Variants in EDA observed in about 807,000 individuals in gnomAD.
EDA encodes the protein ectodysplasin A.
Under a neutral mutation model 23.6 loss-of-function variants are expected in EDA, and 2 were observed. That is an observed-to-expected ratio of 0.08 (90% CI 0.03 to 0.27). The LOEUF is 0.27. Ranked by LOEUF, EDA falls within the 10% of genes least tolerant of loss-of-function variation. EDA has a pLI of 1.00. For missense variants in EDA, 229 were observed against 324.2 expected (o/e 0.71, Z 2.26); for synonymous variants, 131 against 132.0 (o/e 0.99, Z 0.05).
intron 1 of EDA, among the ~76,000 whole-genome samples, chrX:69,682,405 C>T (rs11094120): frequency 0.022 from 2,416 of 112,363 alleles, 30 homozygotes; most frequent in Non-Finnish European, 0.029. Context: ...CAATGGCGGG[C>T]GCCCCTCCCC....
chrX:70,028,128 G>A, intron 4 of EDA, 92 bp downstream of exon 4: 1 of 1,145,357 alleles, frequency 8.7e-7, no homozygotes, highest in Non-Finnish European at 1.2e-6. Flanking sequence ...TTCAAACGGT[G>A]GAGATGGGGT....
At chrX:69,624,367 C>T (rs192233159) in intron 1 of EDA, among the ~76,000 whole-genome samples, 1 of 111,750 alleles carries the variant, frequency 8.9e-6, no homozygotes, top group Admixed American at 9.5e-5. Context: ...TTTGATTACT[C>T]ATTATTTCAA....
chrX:69,943,199 T>C (rs2069452121), intron 1 of EDA, among the ~76,000 whole-genome samples: 1 of 111,594 alleles, frequency 9.0e-6, no homozygotes, highest in Non-Finnish European at 1.9e-5. Context: ...ACCAATGCCT[T>C]ATTTAGTTCA....
At chrX:69,782,316 C>A (rs1203534940) in intron 1 of EDA, among the ~76,000 whole-genome samples, 2 of 99,046 alleles carry the variant, frequency 2.0e-5, no homozygotes, top group African/African-American at 7.8e-5. Context: ...GGCTCCTCAG[C>A]AGTTTTGTTT....
At chrX:69,712,209 G>A (rs1462229035) in intron 1 of EDA, among the ~76,000 whole-genome samples, 1 of 110,449 alleles carries the variant, frequency 9.1e-6, no homozygotes, top group African/African-American at 3.3e-5. Context: ...TGTTCTCGTT[G>A]GTTTCAAAGA....
chrX:69,868,286 G>A (rs181557557), intron 1 of EDA, among the ~76,000 whole-genome samples: 9 of 112,168 alleles, frequency 8.0e-5, no homozygotes, highest in Non-Finnish European at 1.7e-4. Flanking sequence ...AGCCTTTCAG[G>A]TCACTTGATA....
intron 7 of EDA, among the ~76,000 whole-genome samples, chrX:70,034,218 G>A (rs2020235380): frequency 9.0e-6 from 1 of 111,232 alleles, no homozygotes; most frequent in Non-Finnish European, 1.9e-5. Flanking sequence ...TGAGCCATGA[G>A]GTTGGGATTT....
intron 2 of EDA, among the ~76,000 whole-genome samples, chrX:69,970,087 C>A (rs1276282564): frequency 9.0e-6 from 1 of 111,325 alleles, no homozygotes; most frequent in Non-Finnish European, 1.9e-5. Flanking sequence ...ACTTGGGCAA[C>A]AAAGTGATGA....
chrX:69,744,931 C>T (rs1277334353), intron 1 of EDA, among the ~76,000 whole-genome samples: 2 of 111,796 alleles, frequency 1.8e-5, no homozygotes, highest in Non-Finnish European at 3.8e-5. Context: ...GTGTCCTTTC[C>T]TCTCTCTCAC....
In EDA at chrX:69,888,977, GTT is replaced by G. The variant is rs1491324255; in HGVS notation, c.397-68049_397-68048del. Among the ~76,000 whole-genome samples, 74 of 13,236 alleles carry G rather than the reference GTT, an allele frequency of 5.6e-3. 5 individuals are homozygous for G. Among genetic ancestry groups the G allele is most frequent in the South Asian group, 0.03 (9 of 296 alleles). 11.5% of individuals were successfully genotyped at this position (13,236 alleles called of 115,157 possible). On this transcript the variant is annotated intron_variant, in intron 1 of 7. Transcript: ENST00000374552. ...AGTGGAATTGTTGTATTGTGGGGTA[GTT>G]ATATATATATATATATATATATATA...
At chrX:69,828,205 C>T (rs1443665137) in intron 1 of EDA, among the ~76,000 whole-genome samples, 1 of 112,088 alleles carries the variant, frequency 8.9e-6, no homozygotes, top group African/African-American at 3.2e-5. Flanking sequence ...AGGCAGGCCT[C>T]CTTGAGCTGT....
At chrX:69,755,794 C>T (rs976539629) in intron 1 of EDA, among the ~76,000 whole-genome samples, 2 of 112,596 alleles carry the variant, frequency 1.8e-5, no homozygotes, top group Non-Finnish European at 3.8e-5. Flanking sequence ...TCGCTGCCAC[C>T]TTGCAGTTCG....
At chrX:69,789,401 C>T (rs1011395227) in intron 1 of EDA, among the ~76,000 whole-genome samples, 1 of 112,285 alleles carries the variant, frequency 8.9e-6, no homozygotes, top group Non-Finnish European at 1.9e-5. Context: ...AGCAGAATAA[C>T]CTAACAAAAG....
Position 69,978,551 on chromosome X carries a change from A to C in EDA, c.502+21419A>C, listed in dbSNP as rs889900038. ...AAAGAAAAAAAGCAGCTTTCTCGAG[A>C]TATAATTCACATATCATACACTTCA... On this transcript the variant is annotated intron_variant, in intron 2 of 7. Transcript: ENST00000374552. Among the ~76,000 whole-genome samples, 8 of 108,479 alleles carry C rather than the reference A, an allele frequency of 7.4e-5. No homozygotes were observed. The Admixed American group carries it at 8.0e-4, about 11-fold the overall frequency. 94.2% of individuals were successfully genotyped at this position (108,479 alleles called of 115,157 possible).
intron 1 of EDA, among the ~76,000 whole-genome samples, chrX:69,867,370 A>G (rs972268811): frequency 8.9e-6 from 1 of 111,983 alleles, no homozygotes; most frequent in Non-Finnish European, 1.9e-5. Context: ...GGATACAAAT[A>G]TCTTCATAGT....
At chrX:70,018,642 A>C (rs1193421309) in intron 2 of EDA, among the ~76,000 whole-genome samples, 1 of 112,178 alleles carries the variant, frequency 8.9e-6, no homozygotes, top group African/African-American at 3.2e-5. Flanking sequence ...AAGCAGAGAT[A>C]ATTGAAACTG....
rs2013688074 is a variant in EDA at position 69,748,312 on chromosome X, G to A, written c.396+131608G>A. Among the ~76,000 whole-genome samples the A allele has an allele frequency of 5.4e-5, 6 of 111,081 alleles. No individual in the cohort carries two copies. The Admixed American group carries it at 5.7e-4, about 11-fold the overall frequency. On this transcript the variant is annotated intron_variant, in intron 1 of 7. Transcript: ENST00000374552. ...TGTAATAGGAAAAATCACTGGAAATGAAAACCACACTCTTCTATTTATAAA... is the reference window on the plus strand; with the variant it reads ...TGTAATAGGAAAAATCACTGGAAATAAAAACCACACTCTTCTATTTATAAA...
At chrX:69,969,786 T>C (rs909724290) in intron 2 of EDA, among the ~76,000 whole-genome samples, 1 of 111,180 alleles carries the variant, frequency 9.0e-6, no homozygotes, top group Non-Finnish European at 1.9e-5. Context: ...TTCTAGTACA[T>C]GGGTGAAATA....
chrX:69,841,917 A>T (rs1356264759), intron 1 of EDA, among the ~76,000 whole-genome samples: 1 of 112,261 alleles, frequency 8.9e-6, no homozygotes, highest in African/African-American at 3.2e-5. Flanking sequence ...AAAGAAAAGT[A>T]TAAAATTTTC....
Sources: allele counts gnomAD v4.1 joint callset (sites outside exome capture counted in the v4.1 genomes callset), GRCh38; gene constraint gnomAD v4.1.1; transcripts MANE v1.5; gene names NCBI Gene and HGNC (gene_info 2026-07-23, HGNC 2026-07-21).